The following DENND5B variants were observed in gnomAD, a reference collection of about 807,000 sequenced individuals.
DENND5B encodes DENN domain-containing protein 5B.
A neutral mutation model predicts 140.6 loss-of-function variants in DENND5B; 34 were observed. The observed-to-expected ratio is 0.24, with a 90% CI of 0.18 to 0.32. The LOEUF (loss-of-function observed/expected upper bound fraction) is 0.32, where lower values mean the gene tolerates loss of function less well. DENND5B is among the 10% of genes least tolerant of loss of function. The probability of loss-of-function intolerance (pLI) is 1.00; values close to 1 mark genes in which losing one functional copy is unlikely to be tolerated. For missense variants in DENND5B, 1,142 were observed against 1,560.2 expected, an observed-to-expected ratio of 0.73 and a Z score of 4.52; for synonymous variants, 551 against 562.1, an observed-to-expected ratio of 0.98 and a Z score of 0.28.
chr12:31,456,243 T>C (rs957631742), intron 4 of DENND5B, among the ~76,000 whole-genome samples: 2 of 145,746 alleles, frequency 1.4e-5, no homozygotes, highest in African/African-American at 5.2e-5. Context: ...GGCAAAAGAA[T>C]CACTTGAACC....
chr12:31,401,177 A>G (rs555175570), intron 15 of DENND5B, among the ~76,000 whole-genome samples: 22 of 152,242 alleles, frequency 1.4e-4, no homozygotes, highest in African/African-American at 5.3e-4. Context: ...TATTCTTTGT[A>G]TCTCAGTGAG....
intron 1 of DENND5B, among the ~76,000 whole-genome samples, chr12:31,513,855 A>G (rs1288279890): frequency 2.1e-5 from 3 of 144,080 alleles, no homozygotes; most frequent in Non-Finnish European, 4.5e-5. Flanking sequence ...TTTTTTTTTA[A>G]GAGACAGGGT....
chr12:31,401,347 G>A (rs1176290244), intron 15 of DENND5B, among the ~76,000 whole-genome samples: 2 of 152,120 alleles, frequency 1.3e-5, no homozygotes, highest in African/African-American at 4.8e-5. Flanking sequence ...AAAGCCAAGG[G>A]TTTTAATATT....
At chr12:31,474,707 CAT>C (rs1356083552) in intron 3 of DENND5B, among the ~76,000 whole-genome samples, 5 of 152,142 alleles carry the variant, frequency 3.3e-5, no homozygotes, top group African/African-American at 1.2e-4. Context: ...TGAAGTATCA[CAT>C]GTTATTAAAA....
At chr12:31,527,841 T>A in intron 1 of DENND5B, among the ~76,000 whole-genome samples, 1 of 152,126 alleles carries the variant, frequency 6.6e-6, no homozygotes. Context: ...ATCACCTATA[T>A]GGTATTCTTG....
At chr12:31,408,004 T>A (rs1565549692) in intron 14 of DENND5B, among the ~76,000 whole-genome samples, 1 of 152,136 alleles carries the variant, frequency 6.6e-6, no homozygotes, top group Non-Finnish European at 1.5e-5. Context: ...CTATAAAAAA[T>A]ACATCTCTTG....
intron 3 of DENND5B, among the ~76,000 whole-genome samples, chr12:31,466,565 C>T (rs978323749): frequency 3.3e-5 from 5 of 151,852 alleles, no homozygotes; most frequent in African/African-American, 9.7e-5. Context: ...TGGTGGCATG[C>T]GCCTGTAGTC....
chr12:31,590,815 CG>C lies in DENND5B; in HGVS notation c.17del (p.Ala6GlyfsTer46). On this transcript the variant is annotated frameshift_variant, in exon 1 of 21. Transcript: ENST00000389082. LOFTEE classifies it high-confidence loss of function. ...AGGAGCCCGAGCCCGGGCCGGGCGC[CG>C]CGCAGCTCCCGCTCATCCCGGCCGC... Reference protein sequence around the residue: MSGSCAAPGPGSGSSP... With the variant: MSGSCXAPGPGSGSSP... 7.8e-7 allele frequency: 1 copy of C among 1,286,396 alleles called. No homozygotes were observed. The highest frequency in any genetic ancestry group is 9.8e-7 in the Non-Finnish European group (1 of 1,020,216). The allele number at this position is 1,286,396 out of a possible 1,614,324, so 79.7% of individuals were successfully genotyped here.
At chr12:31,472,775 T>C (rs921243010) in intron 3 of DENND5B, among the ~76,000 whole-genome samples, 4 of 152,068 alleles carry the variant, frequency 2.6e-5, no homozygotes, top group African/African-American at 4.8e-5. Context: ...TGGGGATATA[T>C]AGTAAGGTAA....
intron 1 of DENND5B, among the ~76,000 whole-genome samples, chr12:31,529,860 G>A (rs1948222433): frequency 6.6e-6 from 1 of 151,808 alleles, no homozygotes; most frequent in African/African-American, 2.4e-5. Flanking sequence ...CATATGAATA[G>A]CCATGGCTTA....
chr12:31,539,482 A>C (rs1377719435), intron 1 of DENND5B, among the ~76,000 whole-genome samples: 1 of 152,190 alleles, frequency 6.6e-6, no homozygotes, highest in African/African-American at 2.4e-5. Flanking sequence ...TCCTCAACAA[A>C]ATACTAGCAA....
At chr12:31,420,407 G>T (rs951362908) in intron 11 of DENND5B, among the ~76,000 whole-genome samples, 2 of 151,094 alleles carry the variant, frequency 1.3e-5, no homozygotes, top group Non-Finnish European at 2.9e-5. Flanking sequence ...AAAGTGTTGG[G>T]ATTACAGAAC....
At chr12:31,502,584 A>C (rs536802219) in intron 1 of DENND5B, among the ~76,000 whole-genome samples, 1 of 152,338 alleles carries the variant, frequency 6.6e-6, no homozygotes, top group Admixed American at 6.5e-5. Context: ...TAAAACTCAG[A>C]TATCTTTAAA....
chr12:31,480,610 A>G (rs766775809), intron 2 of DENND5B, among the ~76,000 whole-genome samples: 1 of 152,210 alleles, frequency 6.6e-6, no homozygotes, highest in Non-Finnish European at 1.5e-5. Flanking sequence ...TTTATCTACA[A>G]TAGTTGCTGT....
chr12:31,547,707 GTTTGT>G (rs1404591649), intron 1 of DENND5B, among the ~76,000 whole-genome samples: 1 of 151,428 alleles, frequency 6.6e-6, no homozygotes, highest in Admixed American at 6.6e-5. Flanking sequence ...AAACTAAAAA[GTTTGT>G]TTTGTTTTTT....
At chr12:31,569,557 C>T (rs1032068788) in intron 1 of DENND5B, among the ~76,000 whole-genome samples, 4 of 152,166 alleles carry the variant, frequency 2.6e-5, no homozygotes, top group Admixed American at 1.3e-4. Context: ...GCCTATAATC[C>T]CAGTGCTTTG....
Position 31,590,872 on chromosome 12 carries a change from C to G in DENND5B, c.-40G>C. 8.4e-7 allele frequency: 1 copy of G among 1,189,060 alleles called. No homozygotes were observed. The highest frequency in any genetic ancestry group is 1.0e-6 in the Non-Finnish European group (1 of 963,360). The allele number at this position is 1,189,060 out of a possible 1,614,324, so 73.7% of individuals were successfully genotyped here. A position where few individuals can be genotyped will look rare whatever the true frequency, so the allele number is the denominator to read the frequency against. ...TCCAGGGGCCGCCGCCGCCGCCGCCCGGGAAGGCTTTCTGCGGAGGCTGCC... is the reference window on the plus strand; with the variant it reads ...TCCAGGGGCCGCCGCCGCCGCCGCCGGGGAAGGCTTTCTGCGGAGGCTGCC... On this transcript the variant is annotated 5_prime_UTR_variant, in exon 1 of 21. Transcript: ENST00000389082.
intron 1 of DENND5B, among the ~76,000 whole-genome samples, chr12:31,502,346 T>C (rs1207187388): frequency 6.6e-6 from 1 of 152,046 alleles, no homozygotes; most frequent in African/African-American, 2.4e-5. Context: ...AAACATTATA[T>C]TCAATCTTAT....
In DENND5B at chr12:31,508,221, T is replaced by C. The variant is rs76314420; in HGVS notation, c.128-12302A>G. Among the ~76,000 whole-genome samples, 1,472 of 152,296 alleles carry C rather than the reference T, an allele frequency of 9.7e-3. 27 individuals carry two copies. Among genetic ancestry groups the C allele is most frequent in the African/African-American group, 0.034 (1,394 of 41,564 alleles). ...TGCATGACTCAAAGAAGCAGTCATT[T>C]GGTCAGAGGTAAAGTAGACCTTTCC... On this transcript the variant is annotated intron_variant, in intron 1 of 20. Transcript: ENST00000389082.
Sources: gnomAD v4.1 joint callset for allele counts (sites outside exome capture counted in the v4.1 genomes callset) on GRCh38, gnomAD v4.1.1 for gene constraint, MANE v1.5 for transcripts, NCBI Gene and HGNC (gene_info 2026-07-23, HGNC 2026-07-21) for gene names.